The following PKNOX2 variants were observed in gnomAD, a reference collection of about 807,000 sequenced individuals.
The protein encoded by PKNOX2 is homeobox protein PKNOX2.
PKNOX2 carries 14 observed loss-of-function variants against 53.1 expected under a neutral mutation model. The ratio of observed to expected loss-of-function variants is 0.26; its 90% CI spans 0.17 to 0.41. The LOEUF is 0.41. PKNOX2 is among the 10% of genes least tolerant of loss of function. The probability of loss-of-function intolerance (pLI) is 1.00; values close to 1 mark genes in which losing one functional copy is unlikely to be tolerated. For missense variants in PKNOX2, 496 were observed against 602.8 expected, an observed-to-expected ratio of 0.82 and a Z score of 1.85; for synonymous variants, 257 against 242.8, an observed-to-expected ratio of 1.06 and a Z score of -0.54.
chr11:125,255,355 G>A (rs1591498686), intron 2 of PKNOX2, among the ~76,000 whole-genome samples: 1 of 152,176 alleles, frequency 6.6e-6, no homozygotes, highest in African/African-American at 2.4e-5. Flanking sequence ...CTCATATCAT[G>A]AGGTTGGGCA....
intron 10 of PKNOX2, among the ~76,000 whole-genome samples, chr11:125,419,144 C>T (rs750859630): frequency 5.5e-4 from 84 of 152,016 alleles, no homozygotes; most frequent in Non-Finnish European, 1.1e-3. Flanking sequence ...GGGGCAGGAC[C>T]TGGGTTGAGT....
chr11:125,347,821 A>G (rs1329147705), intron 3 of PKNOX2, among the ~76,000 whole-genome samples: 2 of 152,164 alleles, frequency 1.3e-5, no homozygotes, highest in South Asian at 2.1e-4. Flanking sequence ...AACAAAACAA[A>G]ACAAATCAAA....
At chr11:125,377,654 T>C (rs11824486) in intron 5 of PKNOX2, among the ~76,000 whole-genome samples, 1 of 152,192 alleles carries the variant, frequency 6.6e-6, no homozygotes, top group African/African-American at 2.4e-5. Flanking sequence ...TTTTACAGGG[T>C]TGTCCAATCT....
chr11:125,273,493 G>C (rs1240234941), intron 2 of PKNOX2, among the ~76,000 whole-genome samples: 1 of 152,206 alleles, frequency 6.6e-6, no homozygotes, highest in African/African-American at 2.4e-5. Context: ...GGTGAGGAAA[G>C]CAGTGCCAAG....
intron 2 of PKNOX2, among the ~76,000 whole-genome samples, chr11:125,294,033 T>A (rs1325287464): frequency 1.3e-5 from 2 of 152,246 alleles, no homozygotes; most frequent in Non-Finnish European, 2.9e-5. Flanking sequence ...AAGTCTCAAC[T>A]GAACTCTGTT....
chr11:125,233,804 C>T (rs1247584660), intron 1 of PKNOX2, among the ~76,000 whole-genome samples: 1 of 152,188 alleles, frequency 6.6e-6, no homozygotes, highest in African/African-American at 2.4e-5. Flanking sequence ...GCTTGCTTGT[C>T]TTAATTAAAG....
chr11:125,380,159 C>G (rs1041347891), intron 5 of PKNOX2, among the ~76,000 whole-genome samples: 1 of 152,250 alleles, frequency 6.6e-6, no homozygotes, highest in Non-Finnish European at 1.5e-5. Flanking sequence ...TCCCGGCACC[C>G]AGGCGGAGGC....
chr11:125,242,780 C>T (rs1020055536), intron 2 of PKNOX2, among the ~76,000 whole-genome samples: 9 of 151,972 alleles, frequency 5.9e-5, no homozygotes, highest in Admixed American at 5.2e-4. Flanking sequence ...TTTGTCGGGG[C>T]ACGTCTGTCC....
intron 6 of PKNOX2, among the ~76,000 whole-genome samples, chr11:125,394,451 C>T (rs1034658108): frequency 6.6e-6 from 1 of 152,216 alleles, no homozygotes; most frequent in Non-Finnish European, 1.5e-5. Context: ...GACACTTGGT[C>T]TAATTTAGTA....
At chr11:125,168,043 C>A (rs188005501) in intron 1 of PKNOX2, among the ~76,000 whole-genome samples, 7 of 152,308 alleles carry the variant, frequency 4.6e-5, no homozygotes, top group South Asian at 4.1e-4. Context: ...TTTAGGTAGG[C>A]CTGACCCCTG....
chr11:125,248,150 A>G (rs1943702258), intron 2 of PKNOX2, among the ~76,000 whole-genome samples: 1 of 152,184 alleles, frequency 6.6e-6, no homozygotes, highest in Non-Finnish European at 1.5e-5. Context: ...TTCCCAAATG[A>G]ACAAATGAAC....
At chr11:125,412,442 A>G (rs901586056) in intron 10 of PKNOX2, among the ~76,000 whole-genome samples, 4 of 152,204 alleles carry the variant, frequency 2.6e-5, no homozygotes, top group Admixed American at 6.5e-5. Context: ...ATGGCACACT[A>G]CCTCGGGTTG....
intron 2 of PKNOX2, among the ~76,000 whole-genome samples, chr11:125,286,376 T>C (rs1946899329): frequency 1.3e-5 from 2 of 152,236 alleles, no homozygotes; most frequent in South Asian, 4.1e-4. Context: ...GTAAATAATA[T>C]TGTAGAGAAA....
At chr11:125,272,655 G>A (rs1250537768) in intron 2 of PKNOX2, among the ~76,000 whole-genome samples, 1 of 152,128 alleles carries the variant, frequency 6.6e-6, no homozygotes, top group East Asian at 1.9e-4. Context: ...CGCTTTGATC[G>A]TGTCGCGTAA....
intron 6 of PKNOX2, among the ~76,000 whole-genome samples, chr11:125,388,251 A>G (rs1410538385): frequency 6.6e-6 from 1 of 152,146 alleles, no homozygotes; most frequent in East Asian, 1.9e-4. Context: ...GCCAAGATGC[A>G]CATAATTAGA....
At chr11:125,368,834 A>AG (rs1320707281) in intron 5 of PKNOX2, among the ~76,000 whole-genome samples, 2 of 152,206 alleles carry the variant, frequency 1.3e-5, no homozygotes, top group Non-Finnish European at 2.9e-5. Context: ...TCCTACAGGG[A>AG]CTTTAGTTAT....
intron 1 of PKNOX2, among the ~76,000 whole-genome samples, chr11:125,189,171 T>G (rs1007762925): frequency 9.9e-5 from 15 of 151,696 alleles, no homozygotes; most frequent in African/African-American, 3.6e-4. Flanking sequence ...TTAAGTTCCC[T>G]GCTTCTTCCA....
intron 1 of PKNOX2, among the ~76,000 whole-genome samples, chr11:125,193,919 G>T (rs1215828736): frequency 2.0e-5 from 3 of 152,204 alleles, no homozygotes; most frequent in Non-Finnish European, 4.4e-5. Context: ...TGGGGGTAGG[G>T]TTACAAATTT....
At chr11:125,253,027 T>A (rs1457802223) in intron 2 of PKNOX2, among the ~76,000 whole-genome samples, 2 of 152,208 alleles carry the variant, frequency 1.3e-5, no homozygotes, top group African/African-American at 4.8e-5. Flanking sequence ...AAGGGAGTTG[T>A]CATTGCACAG....
Sources: allele counts gnomAD v4.1 joint callset (sites outside exome capture counted in the v4.1 genomes callset), GRCh38; gene constraint gnomAD v4.1.1; transcripts MANE v1.5; gene names NCBI Gene and HGNC (gene_info 2026-07-23, HGNC 2026-07-21).